Variants in MICU3 observed in about 807,000 individuals in gnomAD.
MICU3 encodes the protein calcium uptake protein 3, mitochondrial.
In MICU3, 62 loss-of-function variants were observed where a neutral mutation model predicts 66.5. That is an observed-to-expected ratio of 0.93 (90% CI 0.76 to 1.15). MICU3 has a LOEUF of 1.15. Among genes scored for constraint, MICU3 ranks in the 50% most tolerant of loss-of-function variants. MICU3 has a pLI of 0.00. For missense variants in MICU3, 779 were observed against 664.4 expected, an observed-to-expected ratio of 1.17 and a Z score of -1.90; for synonymous variants, 308 against 240.7, an observed-to-expected ratio of 1.28 and a Z score of -2.59.
At chr8:17,120,053 A>G (rs986777478) in intron 14 of MICU3, among the ~76,000 whole-genome samples, 3 of 152,214 alleles carry the variant, frequency 2.0e-5, no homozygotes, top group African/African-American at 4.8e-5. Flanking sequence ...ATTCTAAGTA[A>G]TAGTGCGTAG....
chr8:17,077,978 GA>G (rs1477168882), intron 4 of MICU3, 117 bp downstream of exon 4: 1 of 496,790 alleles, frequency 2.0e-6, no homozygotes, highest in Non-Finnish European at 3.3e-6. Flanking sequence ...TATGCATAGA[GA>G]AAAAACTGAA....
Position 17,040,602 on chromosome 8 carries a change from G to T in MICU3, c.381+12942G>T, listed in dbSNP as rs537292126. ...CTTACAGTTTCATGAAATAGCAAAT[G>T]CAGAGATTATATATTTTTATTTTCT... On this transcript the variant is annotated intron_variant, in intron 1 of 14. Coordinates refer to ENST00000318063, the MANE Select transcript of MICU3 (RefSeq NM_181723.3). Among the ~76,000 whole-genome samples the T allele has an allele frequency of 2.6e-5, 4 of 152,272 alleles. No individual in the cohort carries two copies. The East Asian group carries it at 7.7e-4, about 29-fold the overall frequency.
chr8:17,041,071 A>G (rs1444330858), intron 1 of MICU3, among the ~76,000 whole-genome samples: 1 of 152,230 alleles, frequency 6.6e-6, no homozygotes, highest in Non-Finnish European at 1.5e-5. Flanking sequence ...TCAGAAGCTC[A>G]GGAGAGAAAT....
chr8:17,081,472 A>G (rs1821170307), intron 4 of MICU3, among the ~76,000 whole-genome samples: 1 of 152,040 alleles, frequency 6.6e-6, no homozygotes, highest in Non-Finnish European at 1.5e-5. Context: ...TTTTGCCAAT[A>G]TATTTGAGAG....
intron 1 of MICU3, among the ~76,000 whole-genome samples, chr8:17,038,133 G>C (rs1585175288): frequency 6.6e-6 from 1 of 152,274 alleles, no homozygotes; most frequent in East Asian, 1.9e-4. Context: ...GACTTTGGGG[G>C]ACTGTTGGAA....
rs758340492 is a variant in MICU3 at position 17,090,535 on chromosome 8, C to T, written c.850-11C>T. 6.2e-7 allele frequency: 1 copy of T among 1,609,830 alleles called. No individual in the cohort carries two copies. The highest frequency in any genetic ancestry group is 1.1e-5 in the South Asian group (1 of 90,444). ...ATGACACTTCATTTGGCCCTTTGTGCTCTATGTCAGCGTCTTCAACTTTAT... is the reference window on the plus strand; with the variant it reads ...ATGACACTTCATTTGGCCCTTTGTGTTCTATGTCAGCGTCTTCAACTTTAT... On this transcript the variant is annotated splice_polypyrimidine_tract_variant and intron_variant, in intron 7 of 14. Coordinates refer to ENST00000318063, the MANE Select transcript of MICU3 (RefSeq NM_181723.3).
At chr8:17,058,990 C>A (rs181062714) in intron 1 of MICU3, among the ~76,000 whole-genome samples, 78 of 152,210 alleles carry the variant, frequency 5.1e-4, no homozygotes, top group African/African-American at 1.8e-3. Context: ...TGGTAATCTT[C>A]CAATTGACTA....
intron 9 of MICU3, among the ~76,000 whole-genome samples, chr8:17,103,081 C>T (rs1387772039): frequency 1.3e-5 from 2 of 151,884 alleles, no homozygotes; most frequent in African/African-American, 4.8e-5. Flanking sequence ...TAATTAGTCA[C>T]TTTAGAAACA....
At position 17,027,547 on chromosome 8, in the gene MICU3, A is replaced by G; in HGVS notation, c.268A>G (p.Arg90Gly). The G allele has an allele frequency of 7.8e-7, 1 of 1,280,844 alleles. No individual in the cohort carries two copies. Among genetic ancestry groups the G allele is most frequent in the Non-Finnish European group, 9.8e-7 (1 of 1,016,174 alleles). 79.3% of individuals were successfully genotyped at this position (1,280,844 alleles called of 1,614,324 possible). A position where few individuals can be genotyped will look rare whatever the true frequency, so the allele number is the denominator to read the frequency against. ...LVCYQLYGDP[R>G]AGSPATGRPS... is the part of the protein sequence containing the mutation. ...ATGCTACCAGCTGTACGGGGACCCC[A>G]GGGCCGGCTCGCCGGCGACCGGGCG... The change falls in exon 1 of 15, where the codon AGG becomes GGG. Residue 90 changes from arginine (R) to glycine (G), a missense_variant. Physicochemically the swap from Arg to Gly is moderately radical, Grantham distance 125 (BLOSUM62 -2). Transcript: ENST00000318063.
At chr8:17,087,723 A>G (rs1799620099) in intron 7 of MICU3, among the ~76,000 whole-genome samples, 1 of 152,054 alleles carries the variant, frequency 6.6e-6, no homozygotes, top group African/African-American at 2.4e-5. Context: ...AGATGAGGAA[A>G]CTGATAATTG....
At chr8:17,124,523 C>T (rs1803355105), downstream of MICU3, among the ~76,000 whole-genome samples, 1 of 152,026 alleles carries the variant, frequency 6.6e-6, no homozygotes, top group South Asian at 2.1e-4. Flanking sequence ...GAATGGTTGT[C>T]CTCTAGGCCT....
chr8:17,121,045 G>A lies in MICU3; in HGVS notation c.*758G>A, dbSNP rs1803159369. 6.6e-6 allele frequency: 1 copy of A among 151,858 alleles called. No homozygotes were observed. The highest frequency in any genetic ancestry group is 1.5e-5 in the Non-Finnish European group (1 of 67,806). The allele number at this position is 151,858 out of a possible 1,614,324, so 9.4% of individuals were successfully genotyped here. ...TCATGTGTTGATAGTAGAAGCAGTG[G>A]TAGTTGTTGTAACAGTAATCATTGT... On this transcript the variant is annotated 3_prime_UTR_variant, in exon 15 of 15. Transcript: ENST00000318063.
chr8:17,080,300 C>G lies in MICU3; in HGVS notation c.647-1393C>G, dbSNP rs137958060. Among the ~76,000 whole-genome samples the G allele has an allele frequency of 4.0e-3, 614 of 152,128 alleles. 3 individuals are homozygous for G. The highest frequency in any genetic ancestry group is 0.014 in the African/African-American group (595 of 41,508). ...AAGCCACTTCAATCACCATGTGATC[C>G]TACAGACAAACGCCTACCATGATAT... On this transcript the variant is annotated intron_variant, in intron 4 of 14. Coordinates refer to ENST00000318063, the MANE Select transcript of MICU3 (RefSeq NM_181723.3).
chr8:17,084,060 G>A (rs1427729381), intron 5 of MICU3, among the ~76,000 whole-genome samples: 1 of 152,002 alleles, frequency 6.6e-6, no homozygotes, highest in Non-Finnish European at 1.5e-5. Context: ...TTCTAAGGAG[G>A]TTGAATTGAA....
intron 1 of MICU3, among the ~76,000 whole-genome samples, chr8:17,043,941 A>G (rs577961008): frequency 5.0e-4 from 76 of 152,354 alleles, no homozygotes; most frequent in Middle Eastern, 3.4e-3. Flanking sequence ...TAAATAGTGA[A>G]CTATGAAAAA....
chr8:17,099,689 A>G (rs575450913), intron 9 of MICU3, among the ~76,000 whole-genome samples: 2 of 151,966 alleles, frequency 1.3e-5, no homozygotes, highest in South Asian at 4.1e-4. Flanking sequence ...ATATTTTAGA[A>G]GCACTTTATT....
intron 8 of MICU3, among the ~76,000 whole-genome samples, chr8:17,091,263 G>C (rs1045411534): frequency 2.6e-5 from 4 of 152,126 alleles, no homozygotes; most frequent in Non-Finnish European, 4.4e-5. Flanking sequence ...GAGAAAGTCA[G>C]CACTTTTGGT....
In MICU3 at chr8:17,027,666, T is replaced by G. The variant is rs1327819147; in HGVS notation, c.381+6T>G. The G allele has an allele frequency of 2.3e-6, 3 of 1,288,120 alleles. No individual in the cohort carries two copies. Among genetic ancestry groups the G allele is most frequent in the Admixed American group, 4.1e-5 (1 of 24,190 alleles). 79.8% of individuals were successfully genotyped at this position (1,288,120 alleles called of 1,614,324 possible). ...TGGCGGCTGCCAAGGAGACGGTGAG[T>G]GCGCGAGCGCGCGTCACACCTGCGC... is the stretch of plus-strand genomic sequence containing the variant. On this transcript the variant is annotated splice_donor_region_variant and intron_variant, in intron 1 of 14. Coordinates refer to ENST00000318063, the MANE Select transcript of MICU3 (RefSeq NM_181723.3).
At chr8:17,083,787 G>GT (rs1821539292) in intron 5 of MICU3, among the ~76,000 whole-genome samples, 1 of 152,106 alleles carries the variant, frequency 6.6e-6, no homozygotes, top group Non-Finnish European at 1.5e-5. Flanking sequence ...GTGCAAAGGA[G>GT]TGTCTCAAAG....
Sources: gnomAD v4.1 joint callset for allele counts (sites outside exome capture counted in the v4.1 genomes callset) on GRCh38, gnomAD v4.1.1 for gene constraint, MANE v1.5 for transcripts, NCBI Gene and HGNC (gene_info 2026-07-23, HGNC 2026-07-21) for gene names.